ZNF385D: variants seen among roughly 807,000 people sequenced by gnomAD.
The protein encoded by ZNF385D is zinc finger protein 659.
A neutral mutation model predicts 35.8 loss-of-function variants in ZNF385D; 15 were observed. The ratio of observed to expected loss-of-function variants is 0.42; its 90% CI spans 0.28 to 0.64. ZNF385D has a LOEUF of 0.64. Ranked by LOEUF, ZNF385D falls within the 30% of genes least tolerant of loss-of-function variation. The probability of loss-of-function intolerance (pLI) is 0.23; values close to 1 mark genes in which losing one functional copy is unlikely to be tolerated. For missense variants in ZNF385D, 474 were observed against 494.6 expected (o/e 0.96, Z 0.39); for synonymous variants, 212 against 186.8 (o/e 1.13, Z -1.10).
chr3:22,080,427 G>C (rs1016944185), intron 3 of ZNF385D, among the ~76,000 whole-genome samples: 7 of 151,930 alleles, frequency 4.6e-5, no homozygotes, highest in Non-Finnish European at 5.9e-5. Flanking sequence ...TAAATAATCT[G>C]TTTTCACCCC....
At chr3:22,111,502 C>G (rs1485388686) in intron 3 of ZNF385D, among the ~76,000 whole-genome samples, 2 of 152,030 alleles carry the variant, frequency 1.3e-5, no homozygotes, top group Non-Finnish European at 2.9e-5. Context: ...TCTGTTCACA[C>G]TCAGAAAAAG....
intron 2 of ZNF385D, among the ~76,000 whole-genome samples, chr3:22,362,355 T>C (rs1696451093): frequency 6.6e-6 from 1 of 152,088 alleles, no homozygotes; most frequent in Non-Finnish European, 1.5e-5. Context: ...AATTAAAAAT[T>C]ATGCCACTAA....
chr3:21,470,719 A>G (rs1703828370), intron 4 of ZNF385D, among the ~76,000 whole-genome samples: 1 of 152,100 alleles, frequency 6.6e-6, no homozygotes, highest in African/African-American at 2.4e-5. Context: ...TCCTTCAGGC[A>G]GACGTGTCCT....
At chr3:21,751,818 A>T (rs2125559056), upstream of ZNF385D, among the ~76,000 whole-genome samples, 2 of 152,204 alleles carry the variant, frequency 1.3e-5, 1 homozygote, top group South Asian at 4.1e-4. Context: ...AACTGGTGAT[A>T]AAAGTCACCT....
At chr3:22,018,455 T>C (rs1697020623) in intron 3 of ZNF385D, among the ~76,000 whole-genome samples, 1 of 152,004 alleles carries the variant, frequency 6.6e-6, no homozygotes, top group Non-Finnish European at 1.5e-5. Context: ...TAATATTGTC[T>C]TCAAAGCTTT....
intron 3 of ZNF385D, among the ~76,000 whole-genome samples, chr3:22,098,878 C>A (rs1701773725): frequency 6.6e-6 from 1 of 151,804 alleles, no homozygotes. Context: ...TAGGCAAAAG[C>A]TCCCTGGAAA....
chr3:21,820,001 T>C (rs1157151526), intron 3 of ZNF385D, among the ~76,000 whole-genome samples: 2 of 150,806 alleles, frequency 1.3e-5, no homozygotes, highest in Non-Finnish European at 3.0e-5. Flanking sequence ...TGAATCATCA[T>C]AATACACACA....
At chr3:22,099,748 G>A (rs1401606208) in intron 3 of ZNF385D, among the ~76,000 whole-genome samples, 1 of 151,988 alleles carries the variant, frequency 6.6e-6, no homozygotes, top group Non-Finnish European at 1.5e-5. Context: ...GCTGAAGCCA[G>A]CAAGGGTGGG....
intron 3 of ZNF385D, among the ~76,000 whole-genome samples, chr3:21,547,470 C>T (rs187925997): frequency 1.2e-4 from 19 of 152,076 alleles, no homozygotes; most frequent in African/African-American, 1.7e-4. Context: ...GAGCGTCTGA[C>T]GATAGCCCCT....
At chr3:21,610,876 A>G (rs900092255) in intron 2 of ZNF385D, among the ~76,000 whole-genome samples, 8 of 152,078 alleles carry the variant, frequency 5.3e-5, no homozygotes, top group Non-Finnish European at 8.8e-5. Context: ...TGCAATCAGG[A>G]TATCAGCCTG....
intron 3 of ZNF385D, among the ~76,000 whole-genome samples, chr3:21,829,338 A>C (rs1483172324): frequency 1.3e-5 from 2 of 152,150 alleles, no homozygotes; most frequent in Admixed American, 6.5e-5. Context: ...AATGAGAAGG[A>C]GGCAAAGAGC....
At chr3:21,433,628 T>C (rs341851) in intron 5 of ZNF385D, among the ~76,000 whole-genome samples, 99,823 of 151,980 alleles carry the variant, frequency 0.66, 34,687 homozygotes, top group Non-Finnish European at 0.77. Flanking sequence ...CTGTCTTCTC[T>C]GAATGCAGAC....
chr3:22,367,518 G>C (rs1696709774), intron 2 of ZNF385D, among the ~76,000 whole-genome samples: 1 of 152,096 alleles, frequency 6.6e-6, no homozygotes, highest in South Asian at 2.1e-4. Flanking sequence ...TACATTCCAG[G>C]TGATCTGGAT....
chr3:21,780,794 C>G, intron 3 of ZNF385D, among the ~76,000 whole-genome samples: 1 of 151,866 alleles, frequency 6.6e-6, no homozygotes, highest in Admixed American at 6.6e-5. Context: ...ATCAGTTGAT[C>G]AATAAGAATG....
intron 3 of ZNF385D, among the ~76,000 whole-genome samples, chr3:21,960,219 CCCCA>C (rs1452076388): frequency 6.6e-6 from 1 of 151,930 alleles, no homozygotes; most frequent in African/African-American, 2.4e-5. Flanking sequence ...CACACACCCT[CCCCA>C]ACACAGACAC....
intron 3 of ZNF385D, among the ~76,000 whole-genome samples, chr3:21,868,729 A>G (rs2125842851): frequency 1.3e-5 from 2 of 152,280 alleles, no homozygotes; most frequent in Admixed American, 1.3e-4. Context: ...AATTAGATAG[A>G]AAGTAAAAAC....
At chr3:21,712,235 T>TTC (rs1360718706) in intron 1 of ZNF385D, among the ~76,000 whole-genome samples, 1 of 152,152 alleles carries the variant, frequency 6.6e-6, no homozygotes, top group African/African-American at 2.4e-5. Context: ...TCTGCAATCC[T>TTC]TCTCTCTCTC....
At chr3:21,592,958 A>G (rs536728224) in intron 2 of ZNF385D, among the ~76,000 whole-genome samples, 1 of 152,310 alleles carries the variant, frequency 6.6e-6, no homozygotes, top group Non-Finnish European at 1.5e-5. Context: ...AAGGGCTGAA[A>G]TATGCCCTGC....
At chr3:22,088,054 G>A (rs898594717) in intron 3 of ZNF385D, among the ~76,000 whole-genome samples, 2 of 152,142 alleles carry the variant, frequency 1.3e-5, no homozygotes, top group African/African-American at 2.4e-5. Flanking sequence ...AGCTAGTATT[G>A]AAGGAGAGCT....
Sources: gnomAD v4.1 joint callset for allele counts (sites outside exome capture counted in the v4.1 genomes callset) on GRCh38, gnomAD v4.1.1 for gene constraint, MANE v1.5 for transcripts, NCBI Gene and HGNC (gene_info 2026-07-23, HGNC 2026-07-21) for gene names.